Variants in ESPNL observed in about 807,000 individuals in gnomAD.
The protein encoded by ESPNL is espin like, also known as espin-like protein.
A neutral mutation model predicts 46.8 loss-of-function variants in ESPNL; 49 were observed. The observed-to-expected ratio is 1.05, with a 90% CI of 0.83 to 1.33. The LOEUF is 1.33. Ranked by LOEUF, ESPNL falls within the 40% of genes most tolerant of loss-of-function variation. The probability of loss-of-function intolerance (pLI) is 0.00; values close to 1 mark genes in which losing one functional copy is unlikely to be tolerated. For missense variants in ESPNL, 1,540 were observed against 1,436.6 expected, an observed-to-expected ratio of 1.07 and a Z score of -1.16; for synonymous variants, 664 against 662.1, an observed-to-expected ratio of 1.00 and a Z score of -0.04.
At chr2:238,127,514 C>A (rs991632619) in intron 6 of ESPNL, 108 bp from the exon 7 acceptor site, 5 of 1,438,182 alleles carry the variant, frequency 3.5e-6, no homozygotes, top group African/African-American at 2.9e-5. Context: ...TCCCAGCTCG[C>A]AGATCGTTCA....
chr2:238,100,779 C>A, intron 1 of ESPNL, 66 bp downstream of exon 1: 2 of 1,344,530 alleles, frequency 1.5e-6, no homozygotes, highest in Non-Finnish European at 1.9e-6. Flanking sequence ...AGGTGTGAGC[C>A]ACGGAGGATC....
At chr2:238,126,248 T>C (rs1254108895) in intron 6 of ESPNL, among the ~76,000 whole-genome samples, 4 of 151,280 alleles carry the variant, frequency 2.6e-5, no homozygotes, top group African/African-American at 7.3e-5. Flanking sequence ...TGTATGTGTA[T>C]GGTGATTGTG....
intron 5 of ESPNL, among the ~76,000 whole-genome samples, chr2:238,119,438 AG>A (rs1691929701): frequency 2.6e-5 from 2 of 78,256 alleles, no homozygotes; most frequent in Admixed American, 1.2e-4. Context: ...GGAGGAGGGG[AG>A]GTGGAGGAGA....
intron 5 of ESPNL, among the ~76,000 whole-genome samples, chr2:238,124,285 T>C (rs965999796): frequency 3.3e-5 from 5 of 152,142 alleles, no homozygotes; most frequent in Admixed American, 6.5e-5. Context: ...ACAAGAGCTT[T>C]GGTCTGACAG....
chr2:238,131,064 C>A lies in ESPNL; in HGVS notation c.2350C>A (p.Pro784Thr), dbSNP rs1246951328. The A allele has an allele frequency of 6.5e-7, 1 of 1,539,446 alleles. No homozygotes were observed. The highest frequency in any genetic ancestry group is 8.7e-7 in the Non-Finnish European group (1 of 1,144,252). ...RGQEAARSPG[P>T]PSPPSEGPRL... Reference sequence around the variant, plus strand: ...CCAGGAGGCCGCCAGGAGCCCTGGGCCACCCTCCCCGCCCAGCGAGGGCCC... The same window carrying A: ...CCAGGAGGCCGCCAGGAGCCCTGGGACACCCTCCCCGCCCAGCGAGGGCCC... The change falls in exon 9 of 9, where the codon CCA becomes ACA. Residue 784 changes from proline to threonine, a missense_variant. Physicochemically the swap from Pro to Thr is conservative, Grantham distance 38. Transcript: ENST00000343063.
Position 238,130,785 on chromosome 2 carries a change from C to T in ESPNL, c.2071C>T (p.Leu691=). ...RQCLSGCWPA[L]PKPRSGLASG... Reference sequence around the variant, plus strand: ...GTGCCTGAGTGGCTGCTGGCCAGCCCTGCCTAAGCCCCGCAGTGGCCTGGC... The same window carrying T: ...GTGCCTGAGTGGCTGCTGGCCAGCCTTGCCTAAGCCCCGCAGTGGCCTGGC... The change falls in exon 9 of 9, where the codon CTG becomes TTG. Residue 691 remains leucine, a synonymous_variant. Transcript: ENST00000343063. 2 of 1,545,818 alleles carry T rather than the reference C, an allele frequency of 1.3e-6. No individual in the cohort carries two copies. The highest frequency in any genetic ancestry group is 1.7e-6 in the Non-Finnish European group (2 of 1,150,196).
At chr2:238,115,963 C>T (rs1368880453) in intron 4 of ESPNL, among the ~76,000 whole-genome samples, 1 of 152,300 alleles carries the variant, frequency 6.6e-6, no homozygotes, top group South Asian at 2.1e-4. Flanking sequence ...TGAGCCACTG[C>T]GCCCGGCCAA....
At position 238,127,267 on chromosome 2, in the gene ESPNL, C is replaced by A. The variant is rs1559267341; in HGVS notation, c.1103-355C>A. On this transcript the variant is annotated intron_variant, in intron 6 of 8. Coordinates refer to ENST00000343063, the MANE Select transcript of ESPNL (RefSeq NM_194312.4). Reference sequence around the variant, plus strand: ...TTGACCCTGAAGTGTGTGTTTTCATCGGGGCAGGGAGCATTGCAGGCAGCA... The same window carrying A: ...TTGACCCTGAAGTGTGTGTTTTCATAGGGGCAGGGAGCATTGCAGGCAGCA... 1.2e-5 allele frequency: 10 copies of A among 820,142 alleles called. No homozygotes were observed. In the South Asian group the frequency reaches 3.4e-4, roughly 28 times the overall value. The allele number at this position is 820,142 out of a possible 1,614,324, so 50.8% of individuals were successfully genotyped here. A position where few individuals can be genotyped will look rare whatever the true frequency, so the allele number is the denominator to read the frequency against.
At chr2:238,126,000 T>A (rs1490395118) in intron 6 of ESPNL, among the ~76,000 whole-genome samples, 1 of 151,116 alleles carries the variant, frequency 6.6e-6, no homozygotes, top group Non-Finnish European at 1.5e-5. Flanking sequence ...TGTGTCTGTG[T>A]GTATCTGTGT....
intron 2 of ESPNL, among the ~76,000 whole-genome samples, chr2:238,103,961 G>A (rs1333132541): frequency 2.0e-5 from 3 of 152,212 alleles, no homozygotes; most frequent in Admixed American, 2.0e-4. Context: ...TCAGCTCCCA[G>A]CCTCTGTTTC....
At chr2:238,115,342 G>A (rs1691792792) in intron 4 of ESPNL, among the ~76,000 whole-genome samples, 1 of 152,206 alleles carries the variant, frequency 6.6e-6, no homozygotes, top group African/African-American at 2.4e-5. Context: ...TGCTAGCTGC[G>A]CAGGTGAGTG....
At chr2:238,107,017 T>C (rs1403882841) in intron 3 of ESPNL, among the ~76,000 whole-genome samples, 1 of 151,942 alleles carries the variant, frequency 6.6e-6, no homozygotes, top group Non-Finnish European at 1.5e-5. Flanking sequence ...GCCTCCCCAG[T>C]GGGGAAAGCG....
At position 238,127,673 on chromosome 2, in the gene ESPNL, G is replaced by C. The variant is rs1306888645; in HGVS notation, c.1154G>C (p.Arg385Thr). The C allele has an allele frequency of 6.2e-7, 1 of 1,612,896 alleles. No homozygotes were observed. The highest frequency in any genetic ancestry group is 8.5e-7 in the Non-Finnish European group (1 of 1,179,632). Residue 385 changes from arginine to threonine, a missense_variant, in exon 7 of 9, where the codon AGG becomes ACG. Physicochemically the swap from Arg to Thr is moderately conservative, Grantham distance 71 (BLOSUM62 -1). Coordinates refer to ENST00000343063, the MANE Select transcript of ESPNL (RefSeq NM_194312.4). Reference protein sequence around the residue: ...WPGHPDQPLPREQMTSPAPPR... With the variant: ...WPGHPDQPLPTEQMTSPAPPR... Reference sequence around the variant, plus strand: ...GGCCATCCTGACCAGCCTCTTCCCAGGGAGCAGATGACCAGCCCGGCCCCT... The same window carrying C: ...GGCCATCCTGACCAGCCTCTTCCCACGGAGCAGATGACCAGCCCGGCCCCT...
intron 3 of ESPNL, among the ~76,000 whole-genome samples, chr2:238,107,506 G>A (rs1691622058): frequency 6.8e-6 from 1 of 147,070 alleles, no homozygotes; most frequent in Non-Finnish European, 1.5e-5. Context: ...CTCTTCCCTA[G>A]GTGTTTTCAT....
rs760400684 is a variant in ESPNL, at chr2:238,100,569, C to T, written c.150C>T (p.Asp50=). The T allele has an allele frequency of 2.5e-6, 4 of 1,584,824 alleles. No homozygotes were observed. The Admixed American group carries it at 7.2e-5, about 28-fold the overall frequency. Residue 50 remains aspartate, a synonymous_variant, in exon 1 of 9, where the codon GAC becomes GAT. Coordinates refer to ENST00000343063, the MANE Select transcript of ESPNL (RefSeq NM_194312.4). ...VHHATRAGHL[D]CVKFLVQRAQ... ...ACGCCACCCGGGCTGGCCACCTGGA[C>T]TGCGTCAAGTTCTTGGTGCAGCGGG...
rs759283924 is a variant in ESPNL, at chr2:238,114,955, G to A, written c.856-1948G>A. Among the ~76,000 whole-genome samples the A allele has an allele frequency of 2.2e-4, 33 of 152,336 alleles. No individual in the cohort carries two copies. The highest frequency in any genetic ancestry group is 5.8e-4 in the East Asian group (3 of 5,178). The stretch of plus-strand genomic sequence containing the variant: ...CGGCACCCAGGAAGGCAGGCAGTGC[G>A]TGAGCAGACACCCCAGTCTGCAGCT... On this transcript the variant is annotated intron_variant, in intron 4 of 8. Coordinates refer to ENST00000343063, the MANE Select transcript of ESPNL (RefSeq NM_194312.4). This position sits in a 1 kb window ranked among gnomAD's most constrained non-coding sequence, Gnocchi z 5.0.
Position 238,131,079 on chromosome 2 carries a change from A to G in ESPNL, c.2365A>G (p.Ser789Gly). 1 of 1,540,684 alleles carries G rather than the reference A, an allele frequency of 6.5e-7. No homozygotes were observed. ...ARSPGPPSPP[S>G]EGPRLGHLWQ... ...GAGCCCTGGGCCACCCTCCCCGCCC[A>G]GCGAGGGCCCCCGGCTGGGCCACCT... The change falls in exon 9 of 9, where the codon AGC becomes GGC. Residue 789 changes from serine to glycine, a missense_variant. By Grantham distance (56) the Ser-to-Gly change is moderately conservative. Transcript: ENST00000343063.
chr2:238,121,476 C>A (rs1691986377), intron 5 of ESPNL, among the ~76,000 whole-genome samples: 2 of 152,396 alleles, frequency 1.3e-5, no homozygotes, highest in South Asian at 4.1e-4. Context: ...CAGCTCACTG[C>A]AGCCTCAGCC....
intron 8 of ESPNL, chr2:238,129,319 C>A (rs1488786437): frequency 1.6e-5 from 16 of 976,252 alleles, no homozygotes; most frequent in African/African-American, 1.7e-5. Flanking sequence ...GCTTAGGGGG[C>A]CCCCTCTGGG....
Sources: allele counts gnomAD v4.1 joint callset (sites outside exome capture counted in the v4.1 genomes callset), GRCh38; gene constraint gnomAD v4.1.1; non-coding constraint Gnocchi (gnomAD v3.1); transcripts MANE v1.5; gene names NCBI Gene and HGNC (gene_info 2026-07-23, HGNC 2026-07-21).